FBXL17: variants seen among roughly 807,000 people sequenced by gnomAD.
FBXL17 encodes F-box/LRR-repeat protein 17.
In FBXL17, 22 loss-of-function variants were observed where a neutral mutation model predicts 66.2. The observed-to-expected ratio is 0.33, with a 90% CI of 0.24 to 0.47. The LOEUF (loss-of-function observed/expected upper bound fraction) is 0.47. FBXL17 is among the 20% of genes least tolerant of loss of function. FBXL17 has a pLI of 1.00. For missense variants in FBXL17, 878 were observed against 948.2 expected (o/e 0.93, Z 0.97); for synonymous variants, 474 against 400.5 (o/e 1.18, Z -2.19).
At chr5:107,899,812 G>A (rs577137949) in intron 7 of FBXL17, among the ~76,000 whole-genome samples, 2 of 152,084 alleles carry the variant, frequency 1.3e-5, no homozygotes, top group Non-Finnish European at 2.9e-5. Context: ...TAAATCCTGA[G>A]GAGGGGGAGT....
At chr5:108,368,118 A>C (rs1748790101) in intron 1 of FBXL17, among the ~76,000 whole-genome samples, 165 bp from the exon 2 acceptor site, 1 of 152,178 alleles carries the variant, frequency 6.6e-6, no homozygotes, top group Non-Finnish European at 1.5e-5. Flanking sequence ...AAGAGAAACT[A>C]TGATACAGGA....
At chr5:108,331,782 T>C (rs571026702) in intron 4 of FBXL17, among the ~76,000 whole-genome samples, 1 of 152,246 alleles carries the variant, frequency 6.6e-6, no homozygotes, top group Admixed American at 6.5e-5. Context: ...CTAACCCGTA[T>C]ATCAAGTCAC....
chr5:108,013,175 A>C (rs1018646351), intron 7 of FBXL17, among the ~76,000 whole-genome samples: 1 of 152,092 alleles, frequency 6.6e-6, no homozygotes, highest in Non-Finnish European at 1.5e-5. Context: ...ATTTAACTGG[A>C]TACTTGATTA....
intron 7 of FBXL17, among the ~76,000 whole-genome samples, chr5:107,933,919 T>C (rs763503460): frequency 2.6e-5 from 4 of 152,098 alleles, no homozygotes; most frequent in Non-Finnish European, 5.9e-5. Flanking sequence ...AAACATGAAT[T>C]ATATAAAAGA....
chr5:108,366,807 A>C (rs1748697516), intron 2 of FBXL17, among the ~76,000 whole-genome samples: 1 of 152,102 alleles, frequency 6.6e-6, no homozygotes, highest in Non-Finnish European at 1.5e-5. Context: ...GAAGGAGAAA[A>C]ACAGAAAGGG....
At chr5:108,163,761 GT>G (rs1237789520) in intron 6 of FBXL17, among the ~76,000 whole-genome samples, 3 of 152,246 alleles carry the variant, frequency 2.0e-5, no homozygotes, top group African/African-American at 7.2e-5. Context: ...GTCAAAATAT[GT>G]TTAGCATTAC....
intron 6 of FBXL17, among the ~76,000 whole-genome samples, chr5:108,167,810 G>GA (rs1752465991): frequency 6.6e-6 from 1 of 152,132 alleles, no homozygotes; most frequent in East Asian, 1.9e-4. Flanking sequence ...AATAACCTGA[G>GA]AAAATGTCAT....
At chr5:107,957,956 C>T (rs1055872327) in intron 7 of FBXL17, among the ~76,000 whole-genome samples, 2 of 152,106 alleles carry the variant, frequency 1.3e-5, no homozygotes, top group Admixed American at 6.6e-5. Context: ...ACAGCAGTCT[C>T]TGGCCGAAGC....
chr5:107,980,260 T>C (rs936852376), intron 7 of FBXL17, among the ~76,000 whole-genome samples: 2 of 152,140 alleles, frequency 1.3e-5, no homozygotes, highest in Admixed American at 1.3e-4. Flanking sequence ...AAGGACTTGA[T>C]GAAGCTTGGC....
chr5:108,250,213 T>C (rs111593903), intron 4 of FBXL17, among the ~76,000 whole-genome samples: 9 of 152,138 alleles, frequency 5.9e-5, no homozygotes, highest in Non-Finnish European at 1.2e-4. Context: ...AAACGTAATT[T>C]TTCATGTGAA....
intron 7 of FBXL17, among the ~76,000 whole-genome samples, chr5:107,892,977 C>T (rs113743999): frequency 9.4e-4 from 143 of 152,268 alleles, no homozygotes; most frequent in African/African-American, 3.3e-3. Context: ...CTATTATCTT[C>T]CTATCAATGG....
At chr5:107,983,227 TTGAGA>T (rs1254569712) in intron 7 of FBXL17, among the ~76,000 whole-genome samples, 2 of 152,170 alleles carry the variant, frequency 1.3e-5, no homozygotes, top group South Asian at 2.1e-4. Context: ...TTTGTTTTGT[TTGAGA>T]TAAGAGTCTC....
At chr5:108,129,994 T>A (rs1426553487) in intron 6 of FBXL17, among the ~76,000 whole-genome samples, 2 of 151,856 alleles carry the variant, frequency 1.3e-5, no homozygotes, top group Non-Finnish European at 2.9e-5. Flanking sequence ...AACAATTACA[T>A]TTTTTATGAC....
At chr5:108,205,640 T>C (rs958781166) in intron 5 of FBXL17, among the ~76,000 whole-genome samples, 1 of 152,192 alleles carries the variant, frequency 6.6e-6, no homozygotes, top group Non-Finnish European at 1.5e-5. Context: ...GCTGATTGTC[T>C]TTTTGTGGTA....
intron 7 of FBXL17, among the ~76,000 whole-genome samples, chr5:107,979,964 T>C (rs1168379820): frequency 6.6e-6 from 1 of 152,228 alleles, no homozygotes; most frequent in Non-Finnish European, 1.5e-5. Context: ...TAAATGCATC[T>C]GGTATGCTCT....
rs150119394 is a variant in FBXL17, at chr5:108,095,008, G to C, written c.1746-74007C>G. On this transcript the variant is annotated intron_variant, in intron 6 of 8. Coordinates refer to ENST00000542267, the MANE Select transcript of FBXL17 (RefSeq NM_001163315.3). ...AATCATCACACTGAGGAAAAAACTTGCTTCTCTGGCCAAATATGATAAGTG... is the reference window on the plus strand; with the variant it reads ...AATCATCACACTGAGGAAAAAACTTCCTTCTCTGGCCAAATATGATAAGTG... 2.8e-3 allele frequency among the ~76,000 whole-genome samples: 428 copies of C among 152,112 alleles called. 2 individuals carry two copies. Among genetic ancestry groups the C allele is most frequent in the African/African-American group, 9.7e-3 (404 of 41,534 alleles).
At chr5:108,308,757 A>G (rs145509831) in intron 4 of FBXL17, among the ~76,000 whole-genome samples, 417 of 152,254 alleles carry the variant, frequency 2.7e-3, no homozygotes, top group Non-Finnish European at 3.3e-3. Flanking sequence ...GAAATAAATT[A>G]GGTAGCATTA....
At chr5:107,978,220 C>T (rs890429373) in intron 7 of FBXL17, among the ~76,000 whole-genome samples, 1 of 152,186 alleles carries the variant, frequency 6.6e-6, no homozygotes, top group Non-Finnish European at 1.5e-5. Context: ...GCCACACACG[C>T]TGGCTGCCTT....
intron 4 of FBXL17, among the ~76,000 whole-genome samples, chr5:108,308,059 T>C (rs1357323999): frequency 6.6e-6 from 1 of 152,130 alleles, no homozygotes; most frequent in African/African-American, 2.4e-5. Flanking sequence ...GTTCTGTTTG[T>C]TCCTATAAAT....
Sources: allele counts gnomAD v4.1 joint callset (sites outside exome capture counted in the v4.1 genomes callset), GRCh38; gene constraint gnomAD v4.1.1; transcripts MANE v1.5; gene names NCBI Gene and HGNC (gene_info 2026-07-23, HGNC 2026-07-21).